MGMT: variants seen among roughly 807,000 people sequenced by gnomAD.
MGMT encodes methylated-DNA--protein-cysteine methyltransferase.
In MGMT, 14 loss-of-function variants were observed where a neutral mutation model predicts 15.9. That is an observed-to-expected ratio of 0.88 (90% CI 0.58 to 1.37). The LOEUF (loss-of-function observed/expected upper bound fraction) is 1.37, where lower values mean the gene tolerates loss of function less well. Among genes scored for constraint, MGMT ranks in the 40% most tolerant of loss-of-function variants. The probability of loss-of-function intolerance (pLI) is 0.00; values close to 1 mark genes in which losing one functional copy is unlikely to be tolerated. For synonymous variants in MGMT, 130 were observed against 118.2 expected (o/e 1.10, Z -0.65); for missense variants, 282 against 268.1 (o/e 1.05, Z -0.36).
At chr10:129,569,881 C>T (rs1321024044) in intron 2 of MGMT, among the ~76,000 whole-genome samples, 1 of 152,186 alleles carries the variant, frequency 6.6e-6, no homozygotes. Flanking sequence ...TTTTTGCCTT[C>T]AGAGCCACCA....
At chr10:129,570,391 G>A (rs973085668) in intron 2 of MGMT, among the ~76,000 whole-genome samples, 1 of 152,254 alleles carries the variant, frequency 6.6e-6, no homozygotes, top group African/African-American at 2.4e-5. Flanking sequence ...CAAATATGCT[G>A]CAGATCCGGG....
intron 4 of MGMT, among the ~76,000 whole-genome samples, 189 bp from the exon 5 acceptor site, chr10:129,766,599 C>T (rs1265490208): frequency 1.3e-5 from 2 of 152,220 alleles, no homozygotes; most frequent in Admixed American, 1.3e-4. Flanking sequence ...CCCAGGGACT[C>T]AAGGGCCTCA....
intron 2 of MGMT, among the ~76,000 whole-genome samples, chr10:129,559,355 T>G (rs1846251638): frequency 6.6e-6 from 1 of 152,194 alleles, no homozygotes; most frequent in Non-Finnish European, 1.5e-5. Context: ...CCTTTAAAGC[T>G]AAAACTAGTT....
intron 2 of MGMT, among the ~76,000 whole-genome samples, chr10:129,670,589 T>C (rs78391345): frequency 0.052 from 7,914 of 152,260 alleles, 676 homozygotes; most frequent in African/African-American, 0.18. Context: ...TATTTCAGTT[T>C]TGAAGACATC....
Position 129,619,664 on chromosome 10 carries a change from T to C in MGMT, c.125+83287T>C, listed in dbSNP as rs988607872. On this transcript the variant is annotated intron_variant, in intron 2 of 4. Transcript: ENST00000651593. ...AAAAATATATGCAATACTATTAAGA[T>C]TTTGAATTTCTTCATGACTCAGTTT... is the stretch of plus-strand genomic sequence containing the variant. Among the ~76,000 whole-genome samples the C allele has an allele frequency of 1.2e-4, 18 of 152,336 alleles. No individual in the cohort carries two copies. The East Asian group carries it at 3.3e-3, about 28-fold the overall frequency.
chr10:129,594,767 C>T (rs2133056647), intron 2 of MGMT, among the ~76,000 whole-genome samples: 2 of 152,336 alleles, frequency 1.3e-5, no homozygotes, highest in South Asian at 4.1e-4. Context: ...GATACTGTCC[C>T]CAGAGAAGGT....
chr10:129,723,005 CAAAAAAA>C (rs3039560), intron 3 of MGMT, among the ~76,000 whole-genome samples: 73 of 60,272 alleles, frequency 1.2e-3, no homozygotes, highest in African/African-American at 3.5e-3. Context: ...GACTCTATCA[CAAAAAAA>C]AAAAAAAAAA....
At chr10:129,676,257 C>T (rs1326358184) in intron 2 of MGMT, among the ~76,000 whole-genome samples, 3 of 152,218 alleles carry the variant, frequency 2.0e-5, no homozygotes, top group Admixed American at 6.5e-5. Context: ...GGCCGCCCCC[C>T]GACCTTCATT....
At chr10:129,506,004 C>CTTT (rs1845621116) in intron 1 of MGMT, among the ~76,000 whole-genome samples, 1 of 128,872 alleles carries the variant, frequency 7.8e-6, no homozygotes, top group African/African-American at 3.3e-5. Context: ...TCTGCAGTTG[C>CTTT]TATTTTTTTT....
rs1554874778 is a variant in MGMT at position 129,657,697 on chromosome 10, A to ACACACACG, written c.126-50191_126-50190insGCACACAC. Reference sequence around the variant, plus strand: ...CCAACACACACACACACACACACACACACACACACGCACACACACACACAC... The same window carrying ACACACACG: ...CCAACACACACACACACACACACACACACACACGCACACACACGCACACACACACACAC... On this transcript the variant is annotated intron_variant, in intron 2 of 4. Coordinates refer to ENST00000651593, the MANE Select transcript of MGMT (RefSeq NM_002412.5). Among the ~76,000 whole-genome samples the ACACACACG allele has an allele frequency of 8.7e-5, 12 of 138,716 alleles. No individual in the cohort carries two copies. In the South Asian group the frequency reaches 1.1e-3, roughly 13 times the overall value. 91.0% of individuals were successfully genotyped at this position (138,716 alleles called of 152,430 possible). A position where few individuals can be genotyped will look rare whatever the true frequency, so the allele number is the denominator to read the frequency against.
intron 1 of MGMT, among the ~76,000 whole-genome samples, chr10:129,501,168 AC>A (rs1845570628): frequency 6.6e-6 from 1 of 152,134 alleles, no homozygotes; most frequent in Admixed American, 6.5e-5. Flanking sequence ...CCCTCAGTGA[AC>A]CTGGAAACGG....
At chr10:129,757,920 CAA>C (rs1446646580) in intron 3 of MGMT, among the ~76,000 whole-genome samples, 3 of 152,154 alleles carry the variant, frequency 2.0e-5, no homozygotes, top group Non-Finnish European at 4.4e-5. Context: ...TGATTAACCC[CAA>C]AGTCACCCTC....
intron 2 of MGMT, among the ~76,000 whole-genome samples, chr10:129,606,927 G>T (rs1038843576): frequency 9.2e-5 from 14 of 152,168 alleles, no homozygotes; most frequent in African/African-American, 2.7e-4. Flanking sequence ...AACAGTATTT[G>T]ACTGCAATAT....
chr10:129,478,480 A>C (rs1845320165), intron 1 of MGMT, among the ~76,000 whole-genome samples: 1 of 152,192 alleles, frequency 6.6e-6, no homozygotes, highest in African/African-American at 2.4e-5. Flanking sequence ...GTGGCTACTG[A>C]TGGGGGGACA....
chr10:129,707,226 A>G (rs1848174605), intron 2 of MGMT, among the ~76,000 whole-genome samples: 1 of 152,064 alleles, frequency 6.6e-6, no homozygotes, highest in African/African-American at 2.4e-5. Flanking sequence ...GCAGTGAGCC[A>G]AGATCGAGCC....
At chr10:129,745,959 G>A (rs984244458) in intron 3 of MGMT, among the ~76,000 whole-genome samples, 83 of 152,084 alleles carry the variant, frequency 5.5e-4, no homozygotes, top group African/African-American at 1.9e-3. Flanking sequence ...ACTTTCAGCC[G>A]GGTGCGGAAG....
At chr10:129,468,805 A>T (rs1468243212) in intron 1 of MGMT, among the ~76,000 whole-genome samples, 2 of 152,068 alleles carry the variant, frequency 1.3e-5, no homozygotes, top group Non-Finnish European at 2.9e-5. Context: ...GAATTGCTTG[A>T]ACCTGGGAGG....
At chr10:129,655,733 T>G (rs1397484398) in intron 2 of MGMT, among the ~76,000 whole-genome samples, 1 of 152,210 alleles carries the variant, frequency 6.6e-6, no homozygotes, top group Non-Finnish European at 1.5e-5. Context: ...AGCTGTGGGT[T>G]GTCGTTACGT....
chr10:129,697,686 GC>G (rs1353921219), intron 2 of MGMT, among the ~76,000 whole-genome samples: 3 of 152,306 alleles, frequency 2.0e-5, no homozygotes, highest in African/African-American at 4.8e-5. Flanking sequence ...ATGTACCCCT[GC>G]CCAAGGTGCC....
Sources: allele counts gnomAD v4.1 joint callset (sites outside exome capture counted in the v4.1 genomes callset), GRCh38; gene constraint gnomAD v4.1.1; transcripts MANE v1.5; gene names NCBI Gene and HGNC (gene_info 2026-07-23, HGNC 2026-07-21).